Variants in MTMR8 observed in about 807,000 individuals in gnomAD.
The protein encoded by MTMR8 is phosphatidylinositol-3,5-bisphosphate 3-phosphatase MTMR8.
Under a neutral mutation model 39.3 loss-of-function variants are expected in MTMR8, and 65 were observed. The observed-to-expected ratio is 1.65, with a 90% CI of 1.35 to 2.03. MTMR8 has a LOEUF of 2.03. MTMR8 is among the 30% of genes most tolerant of loss of function. The probability of loss-of-function intolerance (pLI) is 0.00; values close to 1 mark genes in which losing one functional copy is unlikely to be tolerated. For synonymous variants in MTMR8, 245 were observed against 185.2 expected, an observed-to-expected ratio of 1.32 and a Z score of -2.62; for missense variants, 777 against 538.9, an observed-to-expected ratio of 1.44 and a Z score of -4.37.
rs752595877 is a variant in MTMR8, at chrX:64,284,684, A to G, written c.1482-13611T>C. On this transcript the variant is annotated intron_variant, in intron 12 of 13. Coordinates refer to ENST00000374852, the MANE Select transcript of MTMR8 (RefSeq NM_017677.4). Reference sequence around the variant, plus strand: ...GGGCCAATATTCAACATTCTTAAAGAAAAGAATTTTCAACCCAGAATTTCA... The same window carrying G: ...GGGCCAATATTCAACATTCTTAAAGGAAAGAATTTTCAACCCAGAATTTCA... 2.0e-3 allele frequency among the ~76,000 whole-genome samples: 228 copies of G among 111,640 alleles called. 2 individuals carry two copies. Among genetic ancestry groups the G allele is most frequent in the African/African-American group, 5.2e-3 (159 of 30,566 alleles).
Position 64,359,418 on chromosome X carries a change from C to A in MTMR8, c.134G>T (p.Arg45Leu), listed in dbSNP as rs201096276. The A allele has an allele frequency of 8.3e-7, 1 of 1,202,551 alleles. No homozygotes were observed. Among genetic ancestry groups the A allele is most frequent in the Non-Finnish European group, 1.1e-6 (1 of 890,284 alleles). ...LIYVEASGAA[R>L]KETWIALHHI... ...TCATGAACATACCCATGTTTCTTTC[C>A]GGGCTGCACCTGAAGCCTCCACATA... The change falls in exon 2 of 14, where the codon CGG (arginine) becomes CTG (leucine). Residue 45 changes from arginine to leucine, a missense_variant. Coordinates refer to ENST00000374852, the MANE Select transcript of MTMR8 (RefSeq NM_017677.4).
At position 64,330,034 on chromosome X, in the gene MTMR8, A is replaced by C. The variant is rs1922902740; in HGVS notation, c.1353-1134T>G. On this transcript the variant is annotated intron_variant, in intron 11 of 13. Transcript: ENST00000374852. Reference sequence around the variant, plus strand: ...GTGAGAGAGCCAAAGTTTGAACCCAAGTCTGCCTGATTCTAAAGCCCATCC... The same window carrying C: ...GTGAGAGAGCCAAAGTTTGAACCCACGTCTGCCTGATTCTAAAGCCCATCC... Among the ~76,000 whole-genome samples the C allele has an allele frequency of 3.6e-5, 4 of 111,837 alleles. No individual in the cohort carries two copies. In the Admixed American group the frequency reaches 3.8e-4, roughly 11 times the overall value.
chrX:64,277,283 C>A (rs944593168), intron 12 of MTMR8, among the ~76,000 whole-genome samples: 6 of 111,778 alleles, frequency 5.4e-5, no homozygotes, highest in African/African-American at 2.0e-4. Context: ...TTGATCCTGT[C>A]ATTATGATGC....
intron 12 of MTMR8, among the ~76,000 whole-genome samples, chrX:64,275,137 T>C (rs1931842925): frequency 9.0e-6 from 1 of 111,555 alleles, no homozygotes; most frequent in African/African-American, 3.3e-5. Flanking sequence ...ATTTTATTCA[T>C]ATATCAAAAC....
chrX:64,323,709 A>C (rs1016541822), intron 12 of MTMR8, among the ~76,000 whole-genome samples: 3 of 107,738 alleles, frequency 2.8e-5, no homozygotes, highest in Non-Finnish European at 5.6e-5. Context: ...CATTTCCAGT[A>C]TATTTTTTTT....
intron 12 of MTMR8, among the ~76,000 whole-genome samples, chrX:64,288,568 CAT>C (rs1225893246): frequency 9.0e-6 from 1 of 111,722 alleles, no homozygotes; most frequent in African/African-American, 3.3e-5. Context: ...CACATGCAAA[CAT>C]ATGTTTATTG....
At chrX:64,272,906 A>C (rs981883497) in intron 12 of MTMR8, among the ~76,000 whole-genome samples, 2 of 111,728 alleles carry the variant, frequency 1.8e-5, no homozygotes, top group Non-Finnish European at 3.8e-5. Flanking sequence ...AGGAAAACTA[A>C]AACTATGAAC....
In MTMR8 at chrX:64,306,366, T is replaced by C. The variant is rs1398502866; in HGVS notation, c.1481+22406A>G. The C allele has an allele frequency of 3.1e-5, 7 of 228,781 alleles. No individual in the cohort carries two copies. The South Asian group carries it at 3.4e-4, about 11-fold the overall frequency. 18.9% of individuals were successfully genotyped at this position (228,781 alleles called of 1,213,427 possible). On this transcript the variant is annotated intron_variant, in intron 12 of 13. Transcript: ENST00000374852. ...TGCAGCTTCTAACTGTAAAGCATTGTCATCTCTTTCAAGACAATAGACTAG... is the reference window on the plus strand; with the variant it reads ...TGCAGCTTCTAACTGTAAAGCATTGCCATCTCTTTCAAGACAATAGACTAG...
At chrX:64,360,367 A>T in intron 1 of MTMR8, 1 of 300,202 alleles carries the variant, frequency 3.3e-6, no homozygotes, top group Non-Finnish European at 6.3e-6. Flanking sequence ...TACTCTTCTT[A>T]GGAACTAATA....
At chrX:64,284,747 T>C (rs1289324141) in intron 12 of MTMR8, among the ~76,000 whole-genome samples, 1 of 110,965 alleles carries the variant, frequency 9.0e-6, no homozygotes, top group East Asian at 2.8e-4. Flanking sequence ...GAAGGAGAAA[T>C]AAAATCCTTT....
At chrX:64,387,012 C>A (rs1924577342) in intron 1 of MTMR8, among the ~76,000 whole-genome samples, 2 of 111,591 alleles carry the variant, frequency 1.8e-5, no homozygotes, top group African/African-American at 6.5e-5. Flanking sequence ...CAAGTTCATG[C>A]CACTGCACTC....
At chrX:64,349,725 A>G (rs1173487324) in intron 5 of MTMR8, among the ~76,000 whole-genome samples, 2 of 112,007 alleles carry the variant, frequency 1.8e-5, no homozygotes, top group African/African-American at 6.5e-5. Flanking sequence ...ACATACTAAA[A>G]TGACACTTAA....
At chrX:64,285,379 C>T (rs1291451528) in intron 12 of MTMR8, among the ~76,000 whole-genome samples, 1 of 111,145 alleles carries the variant, frequency 9.0e-6, no homozygotes, top group Non-Finnish European at 1.9e-5. Flanking sequence ...TAATGGGAGA[C>T]TTTAACACCC....
intron 12 of MTMR8, among the ~76,000 whole-genome samples, chrX:64,286,551 C>T (rs1042367946): frequency 1.8e-5 from 2 of 111,757 alleles, no homozygotes; most frequent in Non-Finnish European, 3.8e-5. Flanking sequence ...AACATTGATG[C>T]AAAAATCCTC....
chrX:64,369,626 C>A (rs1347204901), intron 1 of MTMR8, among the ~76,000 whole-genome samples: 3 of 109,795 alleles, frequency 2.7e-5, no homozygotes, highest in African/African-American at 1.0e-4. Flanking sequence ...GAGGAGGGGG[C>A]AGGGGAAGCG....
chrX:64,312,736 A>G (rs1227572389), intron 12 of MTMR8, among the ~76,000 whole-genome samples: 1 of 112,378 alleles, frequency 8.9e-6, no homozygotes, highest in Non-Finnish European at 1.9e-5. Context: ...TAAGACCTGA[A>G]AGTCAAAGTT....
At position 64,284,173 on chromosome X, in the gene MTMR8, G is replaced by A. The variant is rs145805707; in HGVS notation, c.1482-13100C>T. Among the ~76,000 whole-genome samples, 25 of 112,226 alleles carry A rather than the reference G, an allele frequency of 2.2e-4. 1 individual carries two copies. Among genetic ancestry groups the A allele is most frequent in the Middle Eastern group, 9.2e-3 (2 of 218 alleles). On this transcript the variant is annotated intron_variant, in intron 12 of 13. Coordinates refer to ENST00000374852, the MANE Select transcript of MTMR8 (RefSeq NM_017677.4). ...AACCATGGCACAAGAACTATGTGAC[G>A]TACGCACAAGCTTCAGTAGATGATT...
rs543199671 is a variant in MTMR8, at chrX:64,358,412, T to C, written c.147+993A>G. Among the ~76,000 whole-genome samples, 41 of 112,435 alleles carry C rather than the reference T, an allele frequency of 3.6e-4. No homozygotes were observed. In the South Asian group the frequency reaches 7.4e-3, roughly 20 times the overall value. ...GCATACTCAATTCATTTTATACTTA[T>C]ATGATAGTATTTACCATGTTCCAGG... On this transcript the variant is annotated intron_variant, in intron 2 of 13. Coordinates refer to ENST00000374852, the MANE Select transcript of MTMR8 (RefSeq NM_017677.4).
At chrX:64,393,774 G>C (rs1213332595) in intron 1 of MTMR8, among the ~76,000 whole-genome samples, 1 of 111,988 alleles carries the variant, frequency 8.9e-6, no homozygotes, top group Non-Finnish European at 1.9e-5. Context: ...TGAAGAGGAG[G>C]GAGTCAGAAA....
Sources: allele counts gnomAD v4.1 joint callset (sites outside exome capture counted in the v4.1 genomes callset), GRCh38; gene constraint gnomAD v4.1.1; transcripts MANE v1.5; gene names NCBI Gene and HGNC (gene_info 2026-07-23, HGNC 2026-07-21).